Variants in FAM20C observed in about 807,000 individuals in gnomAD.
FAM20C encodes FAM20C golgi associated secretory pathway kinase.
FAM20C carries 40 observed loss-of-function variants against 51.5 expected under a neutral mutation model. The observed-to-expected ratio is 0.78, with a 90% CI of 0.60 to 1.01. The LOEUF (loss-of-function observed/expected upper bound fraction) is 1.01. Ranked by LOEUF, FAM20C falls within the 50% of genes least tolerant of loss-of-function variation. The probability of loss-of-function intolerance (pLI) is 0.00; values close to 1 mark genes in which losing one functional copy is unlikely to be tolerated. For synonymous variants in FAM20C, 406 were observed against 380.6 expected (o/e 1.07, Z -0.78); for missense variants, 861 against 844.7 (o/e 1.02, Z -0.24).
At chr7:216,577 C>T (rs891994145) in intron 3 of FAM20C, among the ~76,000 whole-genome samples, 4 of 151,824 alleles carry the variant, frequency 2.6e-5, no homozygotes, top group Non-Finnish European at 5.9e-5. Context: ...GACACCTGCC[C>T]TCCCTGCTCT....
In FAM20C at chr7:235,921, G is replaced by A. The variant is rs1248430843; in HGVS notation, c.864-10494G>A. 2.6e-5 allele frequency among the ~76,000 whole-genome samples: 4 copies of A among 152,200 alleles called. 1 individual carries two copies. The highest frequency in any genetic ancestry group is 2.9e-5 in the Non-Finnish European group (2 of 68,036). ...CGACTGCCCTGTCTCCCCCAGCCAC[G>A]GTACGCTCTGCTGCTCGGCTAACCC... On this transcript the variant is annotated intron_variant, in intron 3 of 9. Coordinates refer to ENST00000313766, the MANE Select transcript of FAM20C (RefSeq NM_020223.4).
Position 208,935 on chromosome 7 carries a change from G to T in FAM20C, c.822G>T (p.Met274Ile). ...GGGGCACGCAGCTGAAGCTCATCAT[G>T]ACCTTCCAGAATTACGGGCAAGCGC... ...KSGGTQLKLIMTFQNYGQALF... is the reference protein window; with the variant it reads ...KSGGTQLKLIITFQNYGQALF... The change falls in exon 3 of 10, where the codon ATG becomes ATT. Residue 274 changes from methionine to isoleucine, a missense_variant. Met to Ile is a conservative substitution (Grantham distance 10). This residue lies in a region of FAM20C where 561 missense variants were observed against 499.8 expected (regional missense o/e 1.12). Transcript: ENST00000313766. 1 of 1,585,070 alleles carries T rather than the reference G, an allele frequency of 6.3e-7. No homozygotes were observed. Among genetic ancestry groups the T allele is most frequent in the South Asian group, 1.2e-5 (1 of 86,396 alleles).
intron 2 of FAM20C, among the ~76,000 whole-genome samples, chr7:204,937 C>T (rs915636044): frequency 5.3e-5 from 8 of 152,248 alleles, no homozygotes; most frequent in African/African-American, 1.7e-4. Flanking sequence ...ACGTGGCACT[C>T]TTGTGGCCCT....
intron 4 of FAM20C, among the ~76,000 whole-genome samples, chr7:247,540 C>T (rs544430223): frequency 2.0e-5 from 3 of 152,296 alleles, no homozygotes; most frequent in South Asian, 2.1e-4. Context: ...TCCCTAGTGA[C>T]GCGGGCGTAC....
chr7:208,144 C>T (rs924109981), intron 2 of FAM20C, among the ~76,000 whole-genome samples: 5 of 151,704 alleles, frequency 3.3e-5, no homozygotes, highest in Admixed American at 6.6e-5. Flanking sequence ...CAGGGGGGTG[C>T]GTGGGTGTGT....
chr7:230,739 C>A (rs572019200), intron 3 of FAM20C, among the ~76,000 whole-genome samples: 17 of 43,064 alleles, frequency 3.9e-4, no homozygotes, highest in African/African-American at 6.2e-4. Flanking sequence ...CAGTAATATA[C>A]TGAATAATAC....
At chr7:255,826 A>C (rs1267128576) in intron 5 of FAM20C, 23 bp from the exon 6 acceptor site, 2 of 1,535,914 alleles carry the variant, frequency 1.3e-6, no homozygotes, top group African/African-American at 2.7e-5. Context: ...GGCCCTGGTA[A>C]CCCGCAGCCT....
chr7:250,844 A>C (rs1788370509), intron 5 of FAM20C, among the ~76,000 whole-genome samples: 1 of 152,196 alleles, frequency 6.6e-6, no homozygotes, highest in Non-Finnish European at 1.5e-5. Context: ...TTTTAGGGTG[A>C]TGTATTTCAA....
At chr7:204,443 T>G (rs1377124091) in intron 2 of FAM20C, among the ~76,000 whole-genome samples, 2 of 152,234 alleles carry the variant, frequency 1.3e-5, no homozygotes, top group East Asian at 3.8e-4. Context: ...GTCTTGACCA[T>G]GGCCTGTCAA....
chr7:243,864 G>T (rs1788034464), intron 3 of FAM20C, among the ~76,000 whole-genome samples: 1 of 151,702 alleles, frequency 6.6e-6, no homozygotes, highest in African/African-American at 2.4e-5. Flanking sequence ...TGCTCCAGGG[G>T]CCTACAGTGA....
chr7:199,464 TC>T (rs1258993366), intron 2 of FAM20C, among the ~76,000 whole-genome samples: 1 of 152,248 alleles, frequency 6.6e-6, no homozygotes, highest in Non-Finnish European at 1.5e-5. Context: ...CTGAGTTCTG[TC>T]CCCTCAGCTG....
intron 5 of FAM20C, among the ~76,000 whole-genome samples, chr7:252,493 C>T (rs370897437): frequency 2.6e-3 from 362 of 141,334 alleles, no homozygotes; most frequent in African/African-American, 8.9e-3. Flanking sequence ...CTCCCAACCA[C>T]GGATGCCAGG....
chr7:206,034 G>A (rs1423968995), intron 2 of FAM20C, among the ~76,000 whole-genome samples: 9 of 151,968 alleles, frequency 5.9e-5, no homozygotes, highest in Middle Eastern at 3.4e-3. Flanking sequence ...CGAGCTCCAC[G>A]CCCTCAGCAC....
intron 3 of FAM20C, among the ~76,000 whole-genome samples, chr7:212,046 A>G (rs1786744423): frequency 6.6e-6 from 1 of 152,176 alleles, no homozygotes; most frequent in South Asian, 2.1e-4. Flanking sequence ...CTGATGACCT[A>G]TGGGGGCTGT....
At chr7:256,607 C>T (rs890675096) in intron 6 of FAM20C, 47 bp from the exon 7 acceptor site, 2 of 1,461,058 alleles carry the variant, frequency 1.4e-6, no homozygotes, top group African/African-American at 1.4e-5. Flanking sequence ...GCGCCGGGCT[C>T]CCCAGAATCT....
intron 3 of FAM20C, among the ~76,000 whole-genome samples, chr7:237,183 G>C (rs1787874213): frequency 3.3e-5 from 5 of 152,210 alleles, no homozygotes; most frequent in Admixed American, 2.0e-4. Flanking sequence ...GAAATGCAGG[G>C]ATCAGGAACT....
At chr7:209,882 G>A (rs1210047689) in intron 3 of FAM20C, among the ~76,000 whole-genome samples, 1 of 152,250 alleles carries the variant, frequency 6.6e-6, no homozygotes, top group Admixed American at 6.5e-5. Context: ...GCAGATGTTT[G>A]CAGCTGGGCT....
At chr7:195,351 C>T in intron 1 of FAM20C, 1 of 452,106 alleles carries the variant, frequency 2.2e-6, no homozygotes, top group South Asian at 5.9e-5. Context: ...ACAGGCCTTT[C>T]ACCGTGTTAT....
intron 3 of FAM20C, among the ~76,000 whole-genome samples, chr7:210,588 C>A (rs1376696535): frequency 6.6e-6 from 1 of 152,034 alleles, no homozygotes; most frequent in Non-Finnish European, 1.5e-5. Flanking sequence ...GAGGCAGACT[C>A]CCGCCTCCCA....
Sources: allele counts gnomAD v4.1 joint callset (sites outside exome capture counted in the v4.1 genomes callset), GRCh38; gene constraint gnomAD v4.1.1; regional missense constraint gnomAD v4.1.1; transcripts MANE v1.5; gene names NCBI Gene and HGNC (gene_info 2026-07-23, HGNC 2026-07-21).